Variants in DLG2 observed in about 807,000 individuals in gnomAD.
DLG2 encodes the protein discs large MAGUK scaffold protein 2.
A neutral mutation model predicts 132.5 loss-of-function variants in DLG2; 45 were observed. The ratio of observed to expected loss-of-function variants is 0.34; its 90% confidence interval spans 0.27 to 0.44. The LOEUF (loss-of-function observed/expected upper bound fraction) is 0.44. Among genes scored for constraint, DLG2 ranks in the 20% least tolerant of loss-of-function variants. DLG2 has a pLI of 1.00. For missense variants in DLG2, 1,045 were observed against 1,196.9 expected, an observed-to-expected ratio of 0.87 and a Z score of 1.87; for synonymous variants, 424 against 419.6, an observed-to-expected ratio of 1.01 and a Z score of -0.13.
intron 16 of DLG2, among the ~76,000 whole-genome samples, chr11:83,842,472 T>C (rs568824485): frequency 7.2e-6 from 1 of 138,276 alleles, no homozygotes; most frequent in South Asian, 2.3e-4. Context: ...CGTGCACCTG[T>C]AGTCCCAGCT....
intron 6 of DLG2, among the ~76,000 whole-genome samples, chr11:84,679,392 G>T (rs1421793514): frequency 1.3e-5 from 2 of 152,032 alleles, no homozygotes; most frequent in Non-Finnish European, 2.9e-5. Context: ...AAAAATGTTT[G>T]GACAGTTGCT....
At chr11:83,567,984 T>A (rs2096737076) in intron 19 of DLG2, among the ~76,000 whole-genome samples, 1 of 152,170 alleles carries the variant, frequency 6.6e-6, no homozygotes, top group Admixed American at 6.6e-5. Flanking sequence ...TATGCATATA[T>A]ATGTAAATAA....
chr11:83,484,252 G>A (rs1408920771), intron 21 of DLG2, 24 bp from the exon 22 acceptor site: 1 of 1,532,074 alleles, frequency 6.5e-7, no homozygotes, highest in South Asian at 1.1e-5. Flanking sequence ...AAGGCATGGG[G>A]CAAAAACAGG....
intron 16 of DLG2, among the ~76,000 whole-genome samples, chr11:83,844,491 T>C (rs1288698291): frequency 1.7e-5 from 2 of 120,752 alleles, no homozygotes; most frequent in African/African-American, 6.5e-5. Flanking sequence ...GAAGTTGCAG[T>C]AAGCCAAGAT....
intron 6 of DLG2, among the ~76,000 whole-genome samples, chr11:84,709,871 GACACAGT>G (rs1480189262): frequency 1.3e-5 from 2 of 151,790 alleles, no homozygotes; most frequent in East Asian, 3.9e-4. Context: ...TTTCCTTTCT[GACACAGT>G]ACAAGGCTTT....
intron 11 of DLG2, among the ~76,000 whole-genome samples, chr11:84,053,824 G>T (rs571798055): frequency 2.6e-5 from 4 of 151,898 alleles, no homozygotes; most frequent in Non-Finnish European, 5.9e-5. Flanking sequence ...TCTACAGTTT[G>T]TGCATTTCAT....
intron 6 of DLG2, among the ~76,000 whole-genome samples, chr11:84,873,900 C>T (rs1481722265): frequency 1.3e-5 from 2 of 152,106 alleles, no homozygotes; most frequent in Non-Finnish European, 2.9e-5. Flanking sequence ...AATGACAGTC[C>T]ACAAGATATG....
chr11:84,589,363 A>G (rs1285601580), intron 6 of DLG2, among the ~76,000 whole-genome samples: 2 of 152,154 alleles, frequency 1.3e-5, no homozygotes, highest in African/African-American at 2.4e-5. Flanking sequence ...GCATGAGACC[A>G]TAGAGTTTTA....
At chr11:85,360,351 T>G (rs1412004718) in intron 3 of DLG2, among the ~76,000 whole-genome samples, 1 of 152,168 alleles carries the variant, frequency 6.6e-6, no homozygotes, top group Admixed American at 6.6e-5. Context: ...AGGAGGAGAA[T>G]AATATTAGGG....
chr11:85,332,990 G>C (rs951313092), intron 3 of DLG2, among the ~76,000 whole-genome samples: 1 of 152,124 alleles, frequency 6.6e-6, no homozygotes, highest in East Asian at 1.9e-4. Flanking sequence ...TTTGAAAAAT[G>C]TCATTGCTAG....
chr11:83,699,301 T>C (rs955794911), intron 18 of DLG2, among the ~76,000 whole-genome samples: 4 of 152,156 alleles, frequency 2.6e-5, no homozygotes, highest in South Asian at 2.1e-4. Context: ...AATAAAACTA[T>C]GGCACAATTC....
chr11:84,620,585 TACAGAAGCAG>T (rs1316584648), intron 6 of DLG2, among the ~76,000 whole-genome samples: 1 of 152,086 alleles, frequency 6.6e-6, no homozygotes, highest in Non-Finnish European at 1.5e-5. Context: ...ACCATTATTT[TACAGAAGCAG>T]ACACATGAAT....
At chr11:85,390,856 C>T (rs555583280) in intron 3 of DLG2, among the ~76,000 whole-genome samples, 37 of 152,018 alleles carry the variant, frequency 2.4e-4, no homozygotes, top group African/African-American at 8.7e-4. Context: ...CTCAAATAGA[C>T]AATCTAAGGT....
chr11:84,710,073 C>T (rs2060214675), intron 6 of DLG2, among the ~76,000 whole-genome samples: 1 of 151,886 alleles, frequency 6.6e-6, no homozygotes, highest in African/African-American at 2.4e-5. Flanking sequence ...GAGAGTGTCA[C>T]ATAGCAATTA....
chr11:84,009,427 T>C (rs1021233867), intron 11 of DLG2, among the ~76,000 whole-genome samples: 2 of 152,130 alleles, frequency 1.3e-5, no homozygotes. Context: ...ATGAGCATAT[T>C]GTATGCTTCC....
intron 6 of DLG2, among the ~76,000 whole-genome samples, chr11:84,733,137 A>G (rs2063366053): frequency 6.6e-6 from 1 of 152,100 alleles, no homozygotes; most frequent in Non-Finnish European, 1.5e-5. Flanking sequence ...ATGATTTATA[A>G]TCCTTTGGGT....
intron 9 of DLG2, among the ~76,000 whole-genome samples, chr11:84,158,876 C>T (rs867527285): frequency 6.6e-6 from 1 of 152,244 alleles, no homozygotes; most frequent in African/African-American, 2.4e-5. Context: ...ACCATGTTAA[C>T]CAAAGAAAAT....
At chr11:85,126,099 C>T (rs2075076873) in intron 5 of DLG2, among the ~76,000 whole-genome samples, 1 of 151,592 alleles carries the variant, frequency 6.6e-6, no homozygotes. Flanking sequence ...GTCGCCGAAA[C>T]CAAAACATGG....
At chr11:84,703,888 G>GTATATA (rs1565710505) in intron 6 of DLG2, among the ~76,000 whole-genome samples, 1 of 51,522 alleles carries the variant, frequency 1.9e-5, no homozygotes, top group African/African-American at 2.3e-4. Flanking sequence ...ATATATACAC[G>GTATATA]TGTGTGTGTG....
Sources: gnomAD v4.1 joint callset for allele counts (sites outside exome capture counted in the v4.1 genomes callset) on GRCh38, gnomAD v4.1.1 for gene constraint, MANE v1.5 for transcripts, NCBI Gene and HGNC (gene_info 2026-07-23, HGNC 2026-07-21) for gene names.